The following PCDHGA2 variants were observed in gnomAD, a reference collection of about 807,000 sequenced individuals.
PCDHGA2 encodes the protein protocadherin gamma subfamily A, 2.
In PCDHGA2, 40 loss-of-function variants were observed where a neutral mutation model predicts 59.2. The observed-to-expected ratio is 0.68, with a 90% CI of 0.52 to 0.88. The LOEUF (loss-of-function observed/expected upper bound fraction) is 0.88, where lower values mean the gene tolerates loss of function less well. Ranked by LOEUF, PCDHGA2 falls within the 40% of genes least tolerant of loss-of-function variation. The probability of loss-of-function intolerance (pLI) is 0.00; values close to 1 mark genes in which losing one functional copy is unlikely to be tolerated. For synonymous variants in PCDHGA2, 560 were observed against 526.0 expected (o/e 1.06, Z -0.89); for missense variants, 1,226 against 1,204.0 (o/e 1.02, Z -0.27).
At chr5:141,368,863 T>C (rs1765900846) in intron 1 of PCDHGA2, among the ~76,000 whole-genome samples, 1 of 152,218 alleles carries the variant, frequency 6.6e-6, no homozygotes, top group African/African-American at 2.4e-5. Context: ...TTGGAATGTT[T>C]TGGAGCAAAG....
chr5:141,394,760 T>C (rs374519404), intron 1 of PCDHGA2: 68 of 1,613,366 alleles, frequency 4.2e-5, no homozygotes, highest in Middle Eastern at 3.3e-4. Flanking sequence ...TCCAGGACCA[T>C]GGCCAGCCCC....
rs1399367534 is a variant in PCDHGA2 at position 141,487,098 on chromosome 5, A to G, written c.2425-7709A>G. 6.2e-7 allele frequency: 1 copy of G among 1,613,778 alleles called. No homozygotes were observed. The highest frequency in any genetic ancestry group is 8.5e-7 in the Non-Finnish European group (1 of 1,179,788). On this transcript the variant is annotated intron_variant, in intron 1 of 3. Transcript: ENST00000394576. The surrounding 1 kb of genome is among the most constrained non-coding windows in gnomAD (Gnocchi z 5.0). ...ATCCCAGCTGACCTCCCACCACAGA[A>G]GCTGGTCATTGTGGTAAAGGATAGT...
rs186593502 is a variant in PCDHGA2 at position 141,429,415 on chromosome 5, A to G, written c.2425-65392A>G. Among the ~76,000 whole-genome samples, 582 of 151,976 alleles carry G rather than the reference A, an allele frequency of 3.8e-3. 6 individuals carry two copies. The highest frequency in any genetic ancestry group is 0.011 in the Admixed American group (171 of 15,260). ...AAAAAATTGAGATTAAGGTCTCATT[A>G]TGTTGCCCAGGCTGGACTCAAACTC... is the stretch of plus-strand genomic sequence containing the variant. On this transcript the variant is annotated intron_variant, in intron 1 of 3. Transcript: ENST00000394576.
At chr5:141,368,564 A>G (rs1368053393) in intron 1 of PCDHGA2, among the ~76,000 whole-genome samples, 1 of 152,176 alleles carries the variant, frequency 6.6e-6, no homozygotes, top group African/African-American at 2.4e-5. Flanking sequence ...AAAATGTTAT[A>G]TGCTTCTTAG....
In PCDHGA2 at chr5:141,510,950, C is replaced by T. The variant is rs770587030; in HGVS notation, c.2576C>T (p.Ala859Val). 1.2e-6 allele frequency: 2 copies of T among 1,614,126 alleles called. No homozygotes were observed. The highest frequency in any genetic ancestry group is 2.2e-5 in the South Asian group (2 of 91,078). ...QAMILASASE[A>V]ADGSSTLGGG... Reference sequence around the variant, plus strand: ...TGATCTTCCTCTGTCTCTGCAGAAGCTGCTGATGGGAGCTCCACCCTGGGA... The same window carrying T: ...TGATCTTCCTCTGTCTCTGCAGAAGTTGCTGATGGGAGCTCCACCCTGGGA... The change falls in exon 4 of 4, where the codon GCT (alanine) becomes GTT (valine). Residue 859 changes from alanine (A) to valine (V), a missense_variant. Physicochemically the swap from Ala to Val is moderately conservative, Grantham distance 64. Transcript: ENST00000394576.
chr5:141,384,221 A>G, intron 1 of PCDHGA2: 1 of 1,613,936 alleles, frequency 6.2e-7, no homozygotes, highest in Non-Finnish European at 8.5e-7. Flanking sequence ...ATATTCATGC[A>G]GGTGGCAGAC....
chr5:141,404,965 C>A, intron 1 of PCDHGA2: 1 of 1,614,030 alleles, frequency 6.2e-7, no homozygotes, highest in Non-Finnish European at 8.5e-7. Context: ...TCCCAGACAT[C>A]CTGGCTGACC....
chr5:141,457,386 A>G lies in PCDHGA2; in HGVS notation c.2425-37421A>G, dbSNP rs1303460358. Reference sequence around the variant, plus strand: ...TGCAAAATAATTGCCCAGAACTAGCATATTGATTCACATTTTCACATTACC... The same window carrying G: ...TGCAAAATAATTGCCCAGAACTAGCGTATTGATTCACATTTTCACATTACC... On this transcript the variant is annotated intron_variant, in intron 1 of 3. Transcript: ENST00000394576. Among the ~76,000 whole-genome samples the G allele has an allele frequency of 5.3e-5, 8 of 152,210 alleles. No homozygotes were observed. The East Asian group carries it at 1.3e-3, about 26-fold the overall frequency.
chr5:141,383,400 C>G (rs999894916), intron 1 of PCDHGA2: 4 of 1,614,020 alleles, frequency 2.5e-6, no homozygotes, highest in Non-Finnish European at 1.7e-6. Context: ...CGAACTCCCT[C>G]CAGAGTTACC....
intron 1 of PCDHGA2, chr5:141,408,883 C>A: frequency 6.2e-7 from 1 of 1,613,462 alleles, no homozygotes; most frequent in Non-Finnish European, 8.5e-7. Flanking sequence ...CCACCGCTCA[C>A]ATAGAAATTT....
chr5:141,453,888 C>T (rs1273180395), intron 1 of PCDHGA2, among the ~76,000 whole-genome samples: 2 of 152,198 alleles, frequency 1.3e-5, no homozygotes, highest in East Asian at 1.9e-4. Flanking sequence ...TGTGGCCAAT[C>T]ACATGACTTC....
rs1348785166 is a variant in PCDHGA2, at chr5:141,431,381, C to T, written c.2425-63426C>T. On this transcript the variant is annotated intron_variant, in intron 1 of 3. Coordinates refer to ENST00000394576, the MANE Select transcript of PCDHGA2 (RefSeq NM_018915.4). The surrounding 1 kb of genome is among the most constrained non-coding windows in gnomAD (Gnocchi z 4.8). Reference sequence around the variant, plus strand: ...CCTGGACCGCGAAGAAAAGGCTGCTCACCACCTGGTCCTTACGGCCTCCGA... The same window carrying T: ...CCTGGACCGCGAAGAAAAGGCTGCTTACCACCTGGTCCTTACGGCCTCCGA... 1.2e-6 allele frequency: 2 copies of T among 1,613,940 alleles called. No homozygotes were observed. Among genetic ancestry groups the T allele is most frequent in the Non-Finnish European group, 1.7e-6 (2 of 1,180,042 alleles).
At chr5:141,348,964 A>G (rs1397008064) in intron 1 of PCDHGA2, among the ~76,000 whole-genome samples, 1 of 152,236 alleles carries the variant, frequency 6.6e-6, no homozygotes, top group Admixed American at 6.5e-5. Flanking sequence ...ATAAGTTCCA[A>G]AATTGGGTGT....
intron 1 of PCDHGA2, among the ~76,000 whole-genome samples, chr5:141,471,071 C>T (rs1208702673): frequency 7.7e-6 from 1 of 129,696 alleles, no homozygotes; most frequent in Non-Finnish European, 1.6e-5. Context: ...TTTTTTGAGA[C>T]AGGGTCTCCC....
intron 1 of PCDHGA2, among the ~76,000 whole-genome samples, chr5:141,445,733 T>C (rs1031885468): frequency 6.6e-6 from 1 of 152,186 alleles, no homozygotes; most frequent in Non-Finnish European, 1.5e-5. Context: ...TGTGTAAAGA[T>C]CTTTTTAAAA....
rs373882091 is a variant in PCDHGA2 at position 141,432,369 on chromosome 5, A to T, written c.2425-62438A>T. 1.2e-6 allele frequency: 2 copies of T among 1,614,104 alleles called. No homozygotes were observed. Among genetic ancestry groups the T allele is most frequent in the African/African-American group, 2.7e-5 (2 of 74,938 alleles). On this transcript the variant is annotated intron_variant, in intron 1 of 3. Transcript: ENST00000394576. The surrounding 1 kb of genome is among the most constrained non-coding windows in gnomAD (Gnocchi z 6.0). Reference sequence around the variant, plus strand: ...CAAGTGAAAGTGATGGCGCGGGACAACGGGCACCCGCCCCTCAGCAGCAAC... The same window carrying T: ...CAAGTGAAAGTGATGGCGCGGGACATCGGGCACCCGCCCCTCAGCAGCAAC...
intron 1 of PCDHGA2, chr5:141,478,776 A>G (rs961079570): frequency 1.3e-6 from 2 of 1,488,690 alleles, no homozygotes; most frequent in East Asian, 2.5e-5. Flanking sequence ...TCATCTGTGG[A>G]CCTAATTCAC....
intron 2 of PCDHGA2, among the ~76,000 whole-genome samples, chr5:141,495,607 A>G (rs1484333463): frequency 1.3e-5 from 2 of 151,832 alleles, no homozygotes; most frequent in Admixed American, 1.3e-4. Flanking sequence ...TTCCGTCTTG[A>G]TTGCTGCACC....
chr5:141,355,938 G>C (rs556759092), intron 1 of PCDHGA2: 1 of 1,613,878 alleles, frequency 6.2e-7, no homozygotes, highest in South Asian at 1.1e-5. Flanking sequence ...CTCAGCCCGA[G>C]TACCACGTAA....
Sources: allele counts gnomAD v4.1 joint callset (sites outside exome capture counted in the v4.1 genomes callset), GRCh38; gene constraint gnomAD v4.1.1; non-coding constraint Gnocchi (gnomAD v3.1); transcripts MANE v1.5; gene names NCBI Gene and HGNC (gene_info 2026-07-23, HGNC 2026-07-21).